Variants in NRXN3 observed in about 807,000 individuals in gnomAD.
NRXN3 encodes the protein neurexin III.
Under a neutral mutation model 137.6 loss-of-function variants are expected in NRXN3, and 32 were observed. That is an observed-to-expected ratio of 0.23 (90% CI 0.18 to 0.31). NRXN3 has a LOEUF of 0.31. Among genes scored for constraint, NRXN3 ranks in the 10% least tolerant of loss-of-function variants. The probability of loss-of-function intolerance (pLI) is 1.00; values close to 1 mark genes in which losing one functional copy is unlikely to be tolerated. For synonymous variants in NRXN3, 798 were observed against 784.5 expected (o/e 1.02, Z -0.29); for missense variants, 1,574 against 2,062.5 (o/e 0.76, Z 4.59).
At chr14:78,280,388 C>G (rs1312491554) in intron 3 of NRXN3, among the ~76,000 whole-genome samples, 1 of 152,078 alleles carries the variant, frequency 6.6e-6, no homozygotes, top group Non-Finnish European at 1.5e-5. Flanking sequence ...AAAATTGAAG[C>G]AGGATAGAGG....
At chr14:78,458,847 T>C (rs2094834120) in intron 4 of NRXN3, among the ~76,000 whole-genome samples, 1 of 152,166 alleles carries the variant, frequency 6.6e-6, no homozygotes, top group South Asian at 2.1e-4. Context: ...ATTGGAGCCA[T>C]CTAACTAAGG....
intron 10 of NRXN3, among the ~76,000 whole-genome samples, chr14:78,902,140 A>T (rs1256996894): frequency 6.6e-6 from 1 of 151,448 alleles, no homozygotes; most frequent in Non-Finnish European, 1.5e-5. Context: ...AAGTGAGCAA[A>T]GGGATTTGCA....
intron 16 of NRXN3, chr14:79,611,425 C>G (rs2098099978): frequency 6.6e-6 from 1 of 152,158 alleles, no homozygotes; most frequent in African/African-American, 2.4e-5. Context: ...CGGTGAAACC[C>G]CGTCTCCACT....
intron 15 of NRXN3, among the ~76,000 whole-genome samples, chr14:79,359,224 A>G (rs2093598313): frequency 2.0e-5 from 3 of 152,186 alleles, no homozygotes; most frequent in Non-Finnish European, 4.4e-5. Flanking sequence ...TGATTGCTTT[A>G]TAAAGAAATA....
At chr14:79,687,682 C>T (rs895044886) in intron 17 of NRXN3, among the ~76,000 whole-genome samples, 10 of 152,144 alleles carry the variant, frequency 6.6e-5, no homozygotes, top group Admixed American at 2.6e-4. Flanking sequence ...AGCATGTCCA[C>T]GTGCTTGACA....
Position 79,861,020 on chromosome 14 carries a change from T to C in NRXN3, c.4094-322T>C. On this transcript the variant is annotated intron_variant, in intron 20 of 20. Coordinates refer to ENST00000335750, the MANE Select transcript of NRXN3 (RefSeq NM_001330195.2). The surrounding 1 kb of genome is among the most constrained non-coding windows in gnomAD (Gnocchi z 5.4). ...TTTACAAATATACTAATTGTTTTTC[T>C]TTTTCTTTTCCATCCCAGGAGGTGA... 1 of 1,382,506 alleles carries C rather than the reference T, an allele frequency of 7.2e-7. No individual in the cohort carries two copies. Among genetic ancestry groups the C allele is most frequent in the Non-Finnish European group, 9.4e-7 (1 of 1,062,152 alleles). 85.6% of individuals were successfully genotyped at this position (1,382,506 alleles called of 1,614,324 possible).
chr14:79,546,709 T>G (rs1352647435), intron 16 of NRXN3, among the ~76,000 whole-genome samples: 2 of 152,218 alleles, frequency 1.3e-5, no homozygotes, highest in African/African-American at 2.4e-5. Flanking sequence ...GGATAGATTT[T>G]CTTTTCCACT....
intron 20 of NRXN3, among the ~76,000 whole-genome samples, chr14:79,852,553 CTACT>C (rs2099393974): frequency 1.3e-5 from 2 of 152,058 alleles, no homozygotes; most frequent in Non-Finnish European, 2.9e-5. Context: ...TTTTAAATGT[CTACT>C]TACGACGTAC....
chr14:79,549,624 G>A (rs1297765886), intron 16 of NRXN3, among the ~76,000 whole-genome samples: 2 of 152,098 alleles, frequency 1.3e-5, no homozygotes, highest in African/African-American at 4.8e-5. Context: ...GTGAGCAGGG[G>A]CAGCCTAGCC....
intron 6 of NRXN3, among the ~76,000 whole-genome samples, chr14:78,681,749 C>T (rs2098078210): frequency 6.6e-6 from 1 of 152,134 alleles, no homozygotes; most frequent in Non-Finnish European, 1.5e-5. Context: ...CCCATTCGCA[C>T]CCCATGTATG....
At chr14:79,279,675 A>C in intron 15 of NRXN3, 1 of 986,130 alleles carries the variant, frequency 1.0e-6, no homozygotes, top group Non-Finnish European at 1.2e-6. Flanking sequence ...CCGTGGCGCT[A>C]GTCCAGCACG....
intron 20 of NRXN3, chr14:79,853,674 T>A (rs1230470295): frequency 2.3e-6 from 3 of 1,298,800 alleles, no homozygotes; most frequent in Admixed American, 2.1e-5. Flanking sequence ...TCCTGCATCT[T>A]TCCTTCCCAT....
chr14:79,041,843 G>C (rs2099625554), intron 15 of NRXN3, among the ~76,000 whole-genome samples: 1 of 152,126 alleles, frequency 6.6e-6, no homozygotes, highest in African/African-American at 2.4e-5. Flanking sequence ...GGATTAGCCA[G>C]ATCTCCTAAT....
Position 79,842,136 on chromosome 14 carries a change from G to GC in NRXN3, c.4094-19204dup, listed in dbSNP as rs577778908. ...GTGATCTCCTGAGTTATTACTATGT[G>GC]CCTGGCGCTGTTCTGTGGACTGCGG... On this transcript the variant is annotated intron_variant, in intron 20 of 20. Transcript: ENST00000335750. Among the ~76,000 whole-genome samples the GC allele has an allele frequency of 1.1e-4, 16 of 152,296 alleles. No homozygotes were observed. In the East Asian group the frequency reaches 2.7e-3, roughly 26 times the overall value.
At chr14:79,265,756 C>G (rs766487428) in intron 15 of NRXN3, among the ~76,000 whole-genome samples, 2 of 152,156 alleles carry the variant, frequency 1.3e-5, no homozygotes, top group Non-Finnish European at 2.9e-5. Flanking sequence ...GTTTCACTCC[C>G]ACGCAACACT....
intron 20 of NRXN3, among the ~76,000 whole-genome samples, chr14:79,856,822 G>T (rs1258857716): frequency 6.6e-6 from 1 of 152,016 alleles, no homozygotes; most frequent in Non-Finnish European, 1.5e-5. Context: ...AGCCTTCAGG[G>T]CTAAAATAGA....
chr14:78,491,019 G>A (rs1383292278), intron 4 of NRXN3, among the ~76,000 whole-genome samples: 1 of 152,056 alleles, frequency 6.6e-6, no homozygotes, highest in Non-Finnish European at 1.5e-5. Flanking sequence ...CCCACAGCAG[G>A]CCCCACTCTC....
intron 17 of NRXN3, among the ~76,000 whole-genome samples, chr14:79,672,444 G>A (rs2098613769): frequency 6.6e-6 from 1 of 151,962 alleles, no homozygotes; most frequent in Admixed American, 6.6e-5. Flanking sequence ...TAGAAATACA[G>A]TGTAGTCACA....
chr14:78,493,921 C>T (rs1364901708), intron 4 of NRXN3, among the ~76,000 whole-genome samples: 2 of 152,150 alleles, frequency 1.3e-5, no homozygotes, highest in Non-Finnish European at 2.9e-5. Context: ...GAAGTAAACA[C>T]GCTGCAATGA....
Sources: gnomAD v4.1 joint callset for allele counts (sites outside exome capture counted in the v4.1 genomes callset) on GRCh38, gnomAD v4.1.1 for gene constraint, Gnocchi (gnomAD v3.1) non-coding constraint, MANE v1.5 for transcripts, NCBI Gene and HGNC (gene_info 2026-07-23, HGNC 2026-07-21) for gene names.